ADK: variants seen among roughly 807,000 people sequenced by gnomAD.
ADK encodes adenosine kinase, also known as N6,N6-dimethyladenosine kinase.
In ADK, 24 loss-of-function variants were observed where a neutral mutation model predicts 44.7. That is an observed-to-expected ratio of 0.54 (90% CI 0.39 to 0.76). The LOEUF is 0.76. Ranked by LOEUF, ADK falls within the 30% of genes least tolerant of loss-of-function variation. The pLI, the probability that ADK is intolerant of heterozygous loss-of-function variation, is 0.00. For synonymous variants in ADK, 128 were observed against 142.6 expected (o/e 0.90, Z 0.73); for missense variants, 321 against 425.1 (o/e 0.76, Z 2.15).
chr10:74,358,839 T>C (rs1370283220), intron 4 of ADK, among the ~76,000 whole-genome samples: 1 of 152,228 alleles, frequency 6.6e-6, no homozygotes, highest in Non-Finnish European at 1.5e-5. Context: ...AAATATTGAA[T>C]CGTTTTTTAA....
intron 9 of ADK, among the ~76,000 whole-genome samples, chr10:74,614,452 A>T (rs1852672008): frequency 6.6e-6 from 1 of 152,150 alleles, no homozygotes; most frequent in Non-Finnish European, 1.5e-5. Flanking sequence ...TACAAAATTG[A>T]TACAACTTTT....
At chr10:74,179,376 C>T (rs905098296) in intron 1 of ADK, among the ~76,000 whole-genome samples, 2 of 151,976 alleles carry the variant, frequency 1.3e-5, no homozygotes, top group South Asian at 4.2e-4. Flanking sequence ...AGGGTGCATT[C>T]CTAGGAGGTT....
intron 6 of ADK, among the ~76,000 whole-genome samples, chr10:74,420,063 T>TA (rs1844505984): frequency 6.6e-6 from 1 of 152,160 alleles, no homozygotes; most frequent in African/African-American, 2.4e-5. Context: ...GCTAAAATCT[T>TA]AAAGTTCTTA....
chr10:74,193,969 C>G (rs1843038248), intron 1 of ADK, among the ~76,000 whole-genome samples: 1 of 152,022 alleles, frequency 6.6e-6, no homozygotes, highest in Non-Finnish European at 1.5e-5. Flanking sequence ...AAAAGTTCAT[C>G]AAAGGACTTT....
chr10:74,314,258 C>G (rs1240011879), intron 3 of ADK, among the ~76,000 whole-genome samples: 2 of 151,948 alleles, frequency 1.3e-5, no homozygotes, highest in African/African-American at 2.4e-5. Flanking sequence ...CTATAGAAAA[C>G]TCTGTTAGTT....
intron 9 of ADK, among the ~76,000 whole-genome samples, chr10:74,657,349 T>G (rs1564839489): frequency 6.6e-6 from 1 of 152,218 alleles, no homozygotes. Context: ...GAAAGGTTTT[T>G]GGGAAAGGTT....
intron 6 of ADK, among the ~76,000 whole-genome samples, chr10:74,476,292 G>A (rs926818551): frequency 6.6e-6 from 1 of 152,192 alleles, no homozygotes; most frequent in African/African-American, 2.4e-5. Flanking sequence ...TCGGGAGTTC[G>A]AGAGCAGCCT....
chr10:74,547,274 C>T (rs1241390739), intron 7 of ADK, among the ~76,000 whole-genome samples: 8 of 151,876 alleles, frequency 5.3e-5, no homozygotes, highest in Non-Finnish European at 1.2e-4. Context: ...ATGGATCATG[C>T]ATTGCCTTAA....
intron 6 of ADK, among the ~76,000 whole-genome samples, chr10:74,452,621 T>G (rs1051048605): frequency 6.6e-6 from 1 of 152,024 alleles, no homozygotes; most frequent in Non-Finnish European, 1.5e-5. Context: ...AATTTATTTT[T>G]CTTTCTTATT....
chr10:74,470,758 C>G (rs1035584937), intron 6 of ADK, among the ~76,000 whole-genome samples: 7 of 151,796 alleles, frequency 4.6e-5, no homozygotes, highest in African/African-American at 4.8e-5. Context: ...TCTGTTGTTT[C>G]CTTTGCTGTG....
chr10:74,472,327 A>G (rs1846623574), intron 6 of ADK, among the ~76,000 whole-genome samples: 1 of 152,120 alleles, frequency 6.6e-6, no homozygotes, highest in African/African-American at 2.4e-5. Flanking sequence ...TATTGGGTTG[A>G]GGTGATTTCC....
At chr10:74,348,272 T>G (rs1841843689) in intron 4 of ADK, among the ~76,000 whole-genome samples, 1 of 152,098 alleles carries the variant, frequency 6.6e-6, no homozygotes, top group African/African-American at 2.4e-5. Context: ...GCAGCCTCCA[T>G]TGGTGATACT....
chr10:74,579,394 A>G (rs1851302737), intron 7 of ADK, among the ~76,000 whole-genome samples: 1 of 152,086 alleles, frequency 6.6e-6, no homozygotes, highest in Non-Finnish European at 1.5e-5. Context: ...ATACTTTAAA[A>G]TGGATCCACA....
chr10:74,239,882 A>T (rs1215000311), intron 3 of ADK, among the ~76,000 whole-genome samples: 1 of 152,160 alleles, frequency 6.6e-6, no homozygotes, highest in Non-Finnish European at 1.5e-5. Context: ...TCTTTGAACC[A>T]GTTTGTAATA....
At chr10:74,511,095 C>T (rs572221029) in intron 6 of ADK, among the ~76,000 whole-genome samples, 2 of 152,284 alleles carry the variant, frequency 1.3e-5, no homozygotes, top group African/African-American at 4.8e-5. Context: ...CCAGTTTGCT[C>T]AGGACCATTT....
intron 8 of ADK, among the ~76,000 whole-genome samples, chr10:74,593,724 C>T (rs1392404469): frequency 1.3e-5 from 2 of 152,092 alleles, no homozygotes; most frequent in Non-Finnish European, 2.9e-5. Flanking sequence ...CTAGATGACT[C>T]AATGTGTGGA....
intron 6 of ADK, among the ~76,000 whole-genome samples, chr10:74,513,224 A>G (rs191587052): frequency 1.1e-4 from 16 of 152,280 alleles, no homozygotes; most frequent in Admixed American, 7.8e-4. Flanking sequence ...AAGAATGTGT[A>G]TTCTGCCACT....
chr10:74,276,226 A>T (rs967144946), intron 3 of ADK, among the ~76,000 whole-genome samples: 4 of 152,154 alleles, frequency 2.6e-5, no homozygotes, highest in African/African-American at 9.7e-5. Context: ...GGGCCCTGTG[A>T]GGCATAAAAC....
intron 8 of ADK, among the ~76,000 whole-genome samples, chr10:74,600,022 A>G (rs1198071511): frequency 6.6e-6 from 1 of 152,164 alleles, no homozygotes; most frequent in Admixed American, 6.5e-5. Flanking sequence ...GTATGATAAT[A>G]GTTTTGTGGT....
Sources: allele counts gnomAD v4.1 joint callset (sites outside exome capture counted in the v4.1 genomes callset), GRCh38; gene constraint gnomAD v4.1.1; transcripts MANE v1.5; gene names NCBI Gene and HGNC (gene_info 2026-07-23, HGNC 2026-07-21).